MAD1L1: variants seen among roughly 807,000 people sequenced by gnomAD.
MAD1L1 encodes mitotic arrest deficient 1 like 1.
A neutral mutation model predicts 96.9 loss-of-function variants in MAD1L1; 95 were observed. The observed-to-expected ratio is 0.98, with a 90% CI of 0.83 to 1.16. The LOEUF (loss-of-function observed/expected upper bound fraction) is 1.16, where lower values mean the gene tolerates loss of function less well. Among genes scored for constraint, MAD1L1 ranks in the 50% most tolerant of loss-of-function variants. The pLI, the probability that MAD1L1 is intolerant of heterozygous loss-of-function variation, is 0.00. For synonymous variants in MAD1L1, 473 were observed against 396.6 expected, an observed-to-expected ratio of 1.19 and a Z score of -2.29; for missense variants, 1,007 against 954.4, an observed-to-expected ratio of 1.06 and a Z score of -0.73.
At chr7:1,983,370 G>C (rs1240581300) in intron 14 of MAD1L1, among the ~76,000 whole-genome samples, 1 of 152,126 alleles carries the variant, frequency 6.6e-6, no homozygotes, top group Non-Finnish European at 1.5e-5. Context: ...TTCCTCTTGT[G>C]GTGGGGGAGA....
chr7:1,965,863 C>T (rs969930125), intron 15 of MAD1L1, among the ~76,000 whole-genome samples: 3 of 152,266 alleles, frequency 2.0e-5, no homozygotes, highest in Admixed American at 1.3e-4. Flanking sequence ...GAGAGCCCCA[C>T]GTCCCTGGAG....
intron 10 of MAD1L1, among the ~76,000 whole-genome samples, chr7:2,195,582 G>A (rs973031190): frequency 2.0e-5 from 3 of 152,218 alleles, no homozygotes; most frequent in African/African-American, 4.8e-5. Context: ...GCTGTGGGAG[G>A]ACTGTTTGAT....
At chr7:2,009,371 G>A (rs975891169) in intron 13 of MAD1L1, among the ~76,000 whole-genome samples, 7 of 152,202 alleles carry the variant, frequency 4.6e-5, no homozygotes, top group African/African-American at 9.6e-5. Flanking sequence ...CCCCACACAC[G>A]GTACAAAGGC....
At chr7:1,952,821 G>A (rs577682667) in intron 16 of MAD1L1, among the ~76,000 whole-genome samples, 1 of 152,376 alleles carries the variant, frequency 6.6e-6, no homozygotes, top group Non-Finnish European at 1.5e-5. Context: ...GAAGGTTCAG[G>A]AGAAAGAGCC....
At chr7:1,880,551 C>G (rs993171068) in intron 18 of MAD1L1, among the ~76,000 whole-genome samples, 1 of 152,220 alleles carries the variant, frequency 6.6e-6, no homozygotes, top group Non-Finnish European at 1.5e-5. Flanking sequence ...TACAAACTGA[C>G]TTCCTGCAGT....
At chr7:1,913,088 G>A (rs113871556) in intron 17 of MAD1L1, among the ~76,000 whole-genome samples, 2,241 of 152,322 alleles carry the variant, frequency 0.015, 49 homozygotes, top group African/African-American at 0.051. Context: ...TCGGCAAGAC[G>A]AGAGTTTTAA....
At chr7:1,878,742 C>T (rs200021220) in intron 18 of MAD1L1, among the ~76,000 whole-genome samples, 2 of 142,620 alleles carry the variant, frequency 1.4e-5, no homozygotes, top group Non-Finnish European at 3.1e-5. Flanking sequence ...CCCCCCCCCC[C>T]CATTCTTATT....
intron 10 of MAD1L1, among the ~76,000 whole-genome samples, chr7:2,155,948 T>TA (rs745459568): frequency 7.2e-5 from 11 of 151,726 alleles, no homozygotes; most frequent in Admixed American, 1.3e-4. Context: ...AGCTCAACAA[T>TA]AAAAAAAATA....
chr7:2,060,473 A>G, intron 12 of MAD1L1, among the ~76,000 whole-genome samples: 1 of 152,122 alleles, frequency 6.6e-6, no homozygotes, highest in East Asian at 1.9e-4. Context: ...TGATGTCGAG[A>G]TATGCCAATA....
intron 18 of MAD1L1, among the ~76,000 whole-genome samples, chr7:1,836,176 C>A (rs1028235866): frequency 6.6e-6 from 1 of 152,126 alleles, no homozygotes; most frequent in Admixed American, 6.5e-5. Flanking sequence ...CATGCACCAC[C>A]GTGCCCGGCT....
chr7:2,220,806 CA>C, intron 5 of MAD1L1: 1 of 1,387,648 alleles, frequency 7.2e-7, no homozygotes, highest in South Asian at 1.4e-5. Context: ...TGGGAGTCAA[CA>C]AAGAAGAAAG....
chr7:2,148,824 T>C (rs1311753977), intron 11 of MAD1L1, among the ~76,000 whole-genome samples: 1 of 152,104 alleles, frequency 6.6e-6, no homozygotes, highest in African/African-American at 2.4e-5. Flanking sequence ...CAAGACCACA[T>C]GAGGCCCCAA....
intron 11 of MAD1L1, among the ~76,000 whole-genome samples, chr7:2,117,181 G>A (rs1170613000): frequency 1.3e-5 from 2 of 152,298 alleles, no homozygotes; most frequent in East Asian, 1.9e-4. Flanking sequence ...CCTCCTTCCT[G>A]AACAGTCTAG....
intron 12 of MAD1L1, among the ~76,000 whole-genome samples, chr7:2,038,535 G>A (rs1783543426): frequency 1.0e-5 from 1 of 98,146 alleles, no homozygotes; most frequent in African/African-American, 3.5e-5. Flanking sequence ...TTGAGACACA[G>A]TCTCACTCAT....
intron 12 of MAD1L1, among the ~76,000 whole-genome samples, chr7:2,067,048 G>C (rs915621257): frequency 1.3e-5 from 2 of 152,226 alleles, no homozygotes; most frequent in Non-Finnish European, 2.9e-5. Flanking sequence ...CCAACCCAAA[G>C]TGCTGCCCGC....
chr7:2,086,916 C>T (rs568300842), intron 11 of MAD1L1, among the ~76,000 whole-genome samples: 8 of 152,272 alleles, frequency 5.3e-5, no homozygotes, highest in South Asian at 2.1e-4. Flanking sequence ...TGCAGGAAGA[C>T]GGGAGATGTG....
intron 11 of MAD1L1, among the ~76,000 whole-genome samples, chr7:2,115,055 G>A (rs1787593900): frequency 6.6e-6 from 1 of 152,232 alleles, no homozygotes; most frequent in Non-Finnish European, 1.5e-5. Context: ...AACAGCTGGA[G>A]GCGCCAGCTC....
At chr7:2,228,861 C>T (rs952906264) in intron 3 of MAD1L1, among the ~76,000 whole-genome samples, 1 of 152,042 alleles carries the variant, frequency 6.6e-6, no homozygotes, top group Non-Finnish European at 1.5e-5. Flanking sequence ...CTGCTCCAGC[C>T]TCCCGAGTAG....
At chr7:2,016,066 T>C (rs565502540) in intron 12 of MAD1L1, among the ~76,000 whole-genome samples, 1 of 152,254 alleles carries the variant, frequency 6.6e-6, no homozygotes, top group East Asian at 1.9e-4. Flanking sequence ...GTTCCTTTGT[T>C]GATAAGATGG....
Sources: allele counts gnomAD v4.1 joint callset (sites outside exome capture counted in the v4.1 genomes callset), GRCh38; gene constraint gnomAD v4.1.1; transcripts MANE v1.5; gene names NCBI Gene and HGNC (gene_info 2026-07-23, HGNC 2026-07-21).